The following SALL1 variants were observed in gnomAD, a reference collection of about 807,000 sequenced individuals.
The protein encoded by SALL1 is sal-like protein 1.
A neutral mutation model predicts 73.1 loss-of-function variants in SALL1; 10 were observed. The ratio of observed to expected loss-of-function variants is 0.14; its 90% CI spans 0.08 to 0.23. The LOEUF (loss-of-function observed/expected upper bound fraction) is 0.23. Ranked by LOEUF, SALL1 falls within the 10% of genes least tolerant of loss-of-function variation. The pLI is 1.00. For synonymous variants in SALL1, 688 were observed against 689.8 expected, an observed-to-expected ratio of 1.00 and a Z score of 0.04; for missense variants, 1,520 against 1,697.3, an observed-to-expected ratio of 0.90 and a Z score of 1.84.
Position 51,142,082 on chromosome 16 carries a change from C to G in SALL1, c.140G>C (p.Arg47Pro). The G allele has an allele frequency of 6.2e-7, 1 of 1,613,852 alleles. No homozygotes were observed. The highest frequency in any genetic ancestry group is 8.5e-7 in the Non-Finnish European group (1 of 1,180,006). ...TKSKDAHVCG[R>P]CCAEFFELSD... Reference sequence around the variant, plus strand: ...TAATTCAAAGAACTCGGCACAGCACCGGCCACAGACGTGGGCATCCTTGCT... The same window carrying G: ...TAATTCAAAGAACTCGGCACAGCACGGGCCACAGACGTGGGCATCCTTGCT... Residue 47 changes from arginine (R) to proline (P), a missense_variant, in exon 2 of 3, where the codon CGG (arginine) becomes CCG (proline). Coordinates refer to ENST00000251020, the MANE Select transcript of SALL1 (RefSeq NM_002968.3).
In SALL1 at chr16:51,141,275, A is replaced by G; in HGVS notation, c.947T>C (p.Leu316Pro). 1.2e-6 allele frequency: 2 copies of G among 1,614,100 alleles called. No individual in the cohort carries two copies. Among genetic ancestry groups the G allele is most frequent in the East Asian group, 4.5e-5 (2 of 44,866 alleles). The change falls in exon 2 of 3, where the codon CTA becomes CCA. Residue 316 changes from leucine to proline, a missense_variant. By Grantham distance (98) the Leu-to-Pro change is moderately conservative. Coordinates refer to ENST00000251020, the MANE Select transcript of SALL1 (RefSeq NM_002968.3). This position sits in a 1 kb window ranked among gnomAD's most constrained non-coding sequence, Gnocchi z 5.4. ...QSASISGVKQ[L>P]PPIQLPQSSS... The stretch of plus-strand genomic sequence containing the variant: ...GCTCTGAGGTAGCTGGATTGGGGGT[A>G]GCTGTTTCACACCACTAATGCTGGC...
intron 1 of SALL1, among the ~76,000 whole-genome samples, chr16:51,144,809 A>G (rs1962491878): frequency 6.6e-6 from 1 of 152,150 alleles, no homozygotes; most frequent in African/African-American, 2.4e-5. Context: ...GATGGAAAAT[A>G]TAGATGTTTA....
chr16:51,145,136 C>T (rs1381258314), intron 1 of SALL1, among the ~76,000 whole-genome samples: 1 of 151,258 alleles, frequency 6.6e-6, no homozygotes, highest in African/African-American at 2.4e-5. Context: ...ACTAGTTGGA[C>T]TCTTTACCAA....
upstream of SALL1, among the ~76,000 whole-genome samples, chr16:51,151,826 G>A (rs1386171814): frequency 2.6e-5 from 4 of 151,380 alleles, no homozygotes; most frequent in African/African-American, 9.7e-5. Flanking sequence ...GGGGGGTGGG[G>A]CCGGGCGGCG....
chr16:51,137,258 C>G lies in SALL1; in HGVS notation c.3829G>C (p.Gly1277Arg). 2 of 1,614,038 alleles carry G rather than the reference C, an allele frequency of 1.2e-6. No individual in the cohort carries two copies. Among genetic ancestry groups the G allele is most frequent in the Non-Finnish European group, 1.7e-6 (2 of 1,179,998 alleles). The change falls in exon 3 of 3, where the codon GGG becomes CGG. Residue 1277 changes from glycine to arginine, a missense_variant. Around this residue, in one of 7 missense-constraint regions of SALL1, gnomAD observed 318 missense variants for 357.1 expected, o/e 0.89. Coordinates refer to ENST00000251020, the MANE Select transcript of SALL1 (RefSeq NM_002968.3). ...LGSGNSSPVS[G>R]LTGNLERLQN... Reference sequence around the variant, plus strand: ...AGCCTCTCCAGGTTTCCCGTCAGCCCACTAACAGGTGAGCTGTTCCCACTG... The same window carrying G: ...AGCCTCTCCAGGTTTCCCGTCAGCCGACTAACAGGTGAGCTGTTCCCACTG...
In SALL1 at chr16:51,141,892, G is replaced by A; in HGVS notation, c.330C>T (p.Cys110=). Residue 110 remains cysteine (C), a synonymous_variant, in exon 2 of 3, where the codon TGC becomes TGT. Transcript: ENST00000251020. The surrounding 1 kb of genome is among the most constrained non-coding windows in gnomAD (Gnocchi z 5.4). ...GTCCGTTGTGTTCTGAAAGGTCGCT[G>A]CAGTCCACTTGATCTGTTTTGTTAA... ...DTVNKTDQVD[C]SDLSEHNGLD... is the part of the protein sequence containing the mutation. 6.2e-7 allele frequency: 1 copy of A among 1,613,932 alleles called. No individual in the cohort carries two copies. The highest frequency in any genetic ancestry group is 8.5e-7 in the Non-Finnish European group (1 of 1,180,016).
At position 51,142,100 on chromosome 16, in the gene SALL1, T is replaced by G. The variant is rs1567316775; in HGVS notation, c.122A>C (p.Asp41Ala). ...GQPSRPTKSK[D>A]AHVCGRCCAE... Reference sequence around the variant, plus strand: ...ACAGCACCGGCCACAGACGTGGGCATCCTTGCTCTTAGTAGGGCGACTCGG... The same window carrying G: ...ACAGCACCGGCCACAGACGTGGGCAGCCTTGCTCTTAGTAGGGCGACTCGG... Residue 41 changes from aspartate to alanine, a missense_variant, in exon 2 of 3, where the codon GAT (aspartate) becomes GCT (alanine). Physicochemically the swap from Asp to Ala is moderately radical, Grantham distance 126. Coordinates refer to ENST00000251020, the MANE Select transcript of SALL1 (RefSeq NM_002968.3). The G allele has an allele frequency of 6.2e-7, 1 of 1,613,808 alleles. No homozygotes were observed.
chr16:51,141,809 C>T lies in SALL1; in HGVS notation c.413G>A (p.Gly138Asp). 6.2e-7 allele frequency: 1 copy of T among 1,613,810 alleles called. No individual in the cohort carries two copies. The highest frequency in any genetic ancestry group is 8.5e-7 in the Non-Finnish European group (1 of 1,179,964). ...ACTGCTGTGGCTGCCGCTGGAAGTG[C>T]CGCTGCCGCTTTTGTTAGCAACCGG... is the stretch of plus-strand genomic sequence containing the variant. ...EAPVANKSGS[G>D]TSSGSHSSTA... is the part of the protein sequence containing the mutation. Residue 138 changes from glycine to aspartate, a missense_variant, in exon 2 of 3, where the codon GGC (glycine) becomes GAC (aspartate). Around this residue, in one of 7 missense-constraint regions of SALL1, gnomAD observed 540 missense variants for 567.5 expected, o/e 0.95. Transcript: ENST00000251020. This position sits in a 1 kb window ranked among gnomAD's most constrained non-coding sequence, Gnocchi z 5.4.
intron 1 of SALL1, 59 bp from the exon 2 acceptor site, chr16:51,142,204 G>T: frequency 2.3e-6 from 3 of 1,317,296 alleles, no homozygotes; most frequent in Non-Finnish European, 3.2e-6. Context: ...AGTCACCTAT[G>T]ACTTAAAAAA....
At chr16:51,138,186 T>C (rs1962346199) in intron 2 of SALL1, among the ~76,000 whole-genome samples, 1 of 152,232 alleles carries the variant, frequency 6.6e-6, no homozygotes, top group Non-Finnish European at 1.5e-5. Context: ...TGCTGTATAA[T>C]CAATTATCAT....
Position 51,141,817 on chromosome 16 carries a change from G to A in SALL1, c.405C>T (p.Ser135=), listed in dbSNP as rs777331005. The change falls in exon 2 of 3, where the codon AGC becomes AGT. Residue 135 remains serine (S), a synonymous_variant. Coordinates refer to ENST00000251020, the MANE Select transcript of SALL1 (RefSeq NM_002968.3). This position sits in a 1 kb window ranked among gnomAD's most constrained non-coding sequence, Gnocchi z 5.4. ...GGCTGCCGCTGGAAGTGCCGCTGCCGCTTTTGTTAGCAACCGGGGCCTCCA... is the reference window on the plus strand; with the variant it reads ...GGCTGCCGCTGGAAGTGCCGCTGCCACTTTTGTTAGCAACCGGGGCCTCCA... ...MEVEAPVANK[S]GSGTSSGSHS... is the part of the protein sequence containing the mutation. 12 of 1,613,814 alleles carry A rather than the reference G, an allele frequency of 7.4e-6. No homozygotes were observed. The highest frequency in any genetic ancestry group is 5.5e-5 in the South Asian group (5 of 91,056).
chr16:51,142,874 G>C (rs1962465152), intron 1 of SALL1, among the ~76,000 whole-genome samples: 1 of 152,022 alleles, frequency 6.6e-6, no homozygotes, highest in East Asian at 1.9e-4. Flanking sequence ...ATCACCCCAT[G>C]GCATGTTTAT....
At chr16:51,151,338 C>T, upstream of SALL1, 8 of 827,108 alleles carry the variant, frequency 9.7e-6, no homozygotes, top group Non-Finnish European at 1.3e-5. Context: ...CGGCGGCTCC[C>T]CCCGCCCGCC....
chr16:51,140,510 T>C lies in SALL1; in HGVS notation c.1712A>G (p.Lys571Arg), dbSNP rs146823317. ...PTLPSLIPFI[K>R]TEEPAPIPIS... Reference sequence around the variant, plus strand: ...GGGGATGGGGGCTGGCTCTTCCGTCTTGATGAAGGGTATGAGGCTTGGGAG... The same window carrying C: ...GGGGATGGGGGCTGGCTCTTCCGTCCTGATGAAGGGTATGAGGCTTGGGAG... The change falls in exon 2 of 3, where the codon AAG becomes AGG. Residue 571 changes from lysine (K) to arginine (R), a missense_variant. By Grantham distance (26) the Lys-to-Arg change is conservative. Coordinates refer to ENST00000251020, the MANE Select transcript of SALL1 (RefSeq NM_002968.3). This position sits in a 1 kb window ranked among gnomAD's most constrained non-coding sequence, Gnocchi z 5.7. 8.2e-5 allele frequency: 132 copies of C among 1,613,898 alleles called. No homozygotes were observed. The highest frequency in any genetic ancestry group is 1.1e-4 in the Non-Finnish European group (129 of 1,179,910).
At position 51,138,671 on chromosome 16, in the gene SALL1, CAG is replaced by C. The variant is rs775781753; in HGVS notation, c.3534+15_3534+16del. The C allele has an allele frequency of 2.6e-5, 41 of 1,603,974 alleles. No homozygotes were observed. The highest frequency in any genetic ancestry group is 3.2e-5 in the Non-Finnish European group (38 of 1,174,696). ...CAGGGTTGATGGAGCAGGTATGGTGCAGAGAGAGCAAGGTACCTTAAGATTGC... is the reference window on the plus strand; with the variant it reads ...CAGGGTTGATGGAGCAGGTATGGTGCAGAGAGCAAGGTACCTTAAGATTGC... On this transcript the variant is annotated intron_variant, in intron 2 of 2. Coordinates refer to ENST00000251020, the MANE Select transcript of SALL1 (RefSeq NM_002968.3).
chr16:51,151,769 G>A (rs1320390640), upstream of SALL1, among the ~76,000 whole-genome samples: 1 of 151,152 alleles, frequency 6.6e-6, no homozygotes, highest in African/African-American at 2.4e-5. Context: ...CCCGGGCTGG[G>A]CCGACCCAAA....
At chr16:51,151,088 G>T in intron 1 of SALL1, 78 bp downstream of exon 1, 1 of 1,060,794 alleles carries the variant, frequency 9.4e-7, no homozygotes. Flanking sequence ...GCGGGGGCCA[G>T]CCGCGTGTGA....
rs369497481 is a variant in SALL1 at position 51,138,901 on chromosome 16, G to T, written c.3321C>A (p.His1107Gln). ...AGGAAGACAGAGGCCCAGACGGGACGTGACTGGTGGGGGTGTCCTTACTGT... is the reference window on the plus strand; with the variant it reads ...AGGAAGACAGAGGCCCAGACGGGACTTGACTGGTGGGGGTGTCCTTACTGT... ...PQDSKDTPTS[H>Q]VPSGPLSSSA... Residue 1107 changes from histidine (H) to glutamine (Q), a missense_variant, in exon 2 of 3, where the codon CAC becomes CAA. His to Gln is a conservative substitution (Grantham distance 24, BLOSUM62 0). Coordinates refer to ENST00000251020, the MANE Select transcript of SALL1 (RefSeq NM_002968.3). 1.2e-6 allele frequency: 2 copies of T among 1,614,164 alleles called. No homozygotes were observed. The highest frequency in any genetic ancestry group is 2.2e-5 in the East Asian group (1 of 44,870).
rs376879952 is a variant in SALL1 at position 51,137,305 on chromosome 16, G to A, written c.3782C>T (p.Pro1261Leu). Residue 1261 changes from proline (P) to leucine (L), a missense_variant, in exon 3 of 3, where the codon CCT (proline) becomes CTT (leucine). Around this residue, in one of 7 missense-constraint regions of SALL1, gnomAD observed 318 missense variants for 357.1 expected, o/e 0.89. Coordinates refer to ENST00000251020, the MANE Select transcript of SALL1 (RefSeq NM_002968.3). Reference protein sequence around the residue: ...EISVIQNGGIPPIPGSLGSGN... With the variant: ...EISVIQNGGILPIPGSLGSGN... ...ACTGCCGAGGCTTCCAGGAATTGGA[G>A]GGATGCCACCGTTCTGAATGACGGA... 1 of 1,614,146 alleles carries A rather than the reference G, an allele frequency of 6.2e-7. No homozygotes were observed. The highest frequency in any genetic ancestry group is 8.5e-7 in the Non-Finnish European group (1 of 1,180,040).
Sources: gnomAD v4.1 joint callset for allele counts (sites outside exome capture counted in the v4.1 genomes callset) on GRCh38, gnomAD v4.1.1 for gene constraint, gnomAD v4.1.1 regional missense constraint, Gnocchi (gnomAD v3.1) non-coding constraint, MANE v1.5 for transcripts, NCBI Gene and HGNC (gene_info 2026-07-23, HGNC 2026-07-21) for gene names.